Variants in RBFOX1 observed in about 807,000 individuals in gnomAD.
RBFOX1 encodes RNA binding protein fox-1 homolog 1.
RBFOX1 carries 8 observed loss-of-function variants against 57.7 expected under a neutral mutation model. The observed-to-expected ratio is 0.14, with a 90% CI of 0.08 to 0.25. The LOEUF is 0.25. RBFOX1 is among the 10% of genes least tolerant of loss of function. RBFOX1 has a pLI of 1.00. For missense variants in RBFOX1, 611 were observed against 548.5 expected, an observed-to-expected ratio of 1.11 and a Z score of -1.14; for synonymous variants, 326 against 222.4, an observed-to-expected ratio of 1.47 and a Z score of -4.15.
intron 4 of RBFOX1, among the ~76,000 whole-genome samples, chr16:6,007,280 G>A (rs1438054893): frequency 6.6e-6 from 1 of 152,208 alleles, no homozygotes; most frequent in Admixed American, 6.5e-5. Flanking sequence ...TTTCCCGCTT[G>A]GATGCTTGCT....
intron 4 of RBFOX1, among the ~76,000 whole-genome samples, chr16:7,294,937 T>G (rs1028453063): frequency 7.2e-5 from 11 of 152,218 alleles, no homozygotes; most frequent in Non-Finnish European, 1.5e-4. Context: ...TAGATACTTC[T>G]TGTGCCCTCA....
intron 1 of RBFOX1, among the ~76,000 whole-genome samples, chr16:6,156,043 G>A (rs923487576): frequency 1.3e-5 from 2 of 152,174 alleles, no homozygotes; most frequent in African/African-American, 2.4e-5. Flanking sequence ...AGAGAAAAAT[G>A]AGGAGATCTG....
intron 2 of RBFOX1, among the ~76,000 whole-genome samples, chr16:5,565,624 T>TTACA (rs201425341): frequency 0.057 from 6,328 of 111,554 alleles, 196 homozygotes; most frequent in East Asian, 0.12. Context: ...AAACTCTGCC[T>TTACA]TACATAAATA....
In RBFOX1 at chr16:6,097,234, C is replaced by T. The variant is rs2096256132; in HGVS notation, c.-127+77242C>T. Reference sequence around the variant, plus strand: ...CCGTAGCCATGTGGAACTGTGAGTCCATTAAACTTCTTTTTGTTTATAAAT... The same window carrying T: ...CCGTAGCCATGTGGAACTGTGAGTCTATTAAACTTCTTTTTGTTTATAAAT... On this transcript the variant is annotated intron_variant, in intron 1 of 15. Transcript: ENST00000550418. This position sits in a 1 kb window ranked among gnomAD's most constrained non-coding sequence, Gnocchi z 5.0. Among the ~76,000 whole-genome samples the T allele has an allele frequency of 6.6e-6, 1 of 152,162 alleles. No homozygotes were observed. The highest frequency in any genetic ancestry group is 1.5e-5 in the Non-Finnish European group (1 of 68,034).
intron 1 of RBFOX1, chr16:6,037,365 A>G (rs1305256763): frequency 1.3e-5 from 2 of 152,164 alleles, no homozygotes; most frequent in East Asian, 1.9e-4. Context: ...TATTTGCAAC[A>G]TTTCTGTGAA....
At chr16:5,662,995 G>A (rs1454838942) in intron 3 of RBFOX1, among the ~76,000 whole-genome samples, 1 of 152,156 alleles carries the variant, frequency 6.6e-6, no homozygotes, top group Admixed American at 6.5e-5. Context: ...CAGTGGGCAG[G>A]AGAGCAATTT....
At chr16:7,551,365 T>C (rs896341005) in intron 5 of RBFOX1, among the ~76,000 whole-genome samples, 1 of 151,990 alleles carries the variant, frequency 6.6e-6, no homozygotes, top group African/African-American at 2.4e-5. Flanking sequence ...AGATGTACCC[T>C]CCAGGGGCCC....
intron 2 of RBFOX1, among the ~76,000 whole-genome samples, chr16:6,637,564 T>TTCTATATAGAATAG (rs1555636881): frequency 1.6e-5 from 2 of 128,474 alleles, no homozygotes; most frequent in African/African-American, 6.0e-5. Flanking sequence ...ATATATAATA[T>TTCTATATAGAATAG]TCTATATAGT....
intron 3 of RBFOX1, among the ~76,000 whole-genome samples, chr16:6,777,907 C>G (rs2079652335): frequency 6.6e-6 from 1 of 152,112 alleles, no homozygotes; most frequent in South Asian, 2.1e-4. Flanking sequence ...ATTGAAATGA[C>G]TTTTTCTGAG....
chr16:6,920,426 A>G (rs2074215040), intron 3 of RBFOX1, among the ~76,000 whole-genome samples: 1 of 152,136 alleles, frequency 6.6e-6, no homozygotes, highest in Non-Finnish European at 1.5e-5. Flanking sequence ...TCAGCTTATA[A>G]ATGGCTTGTT....
At chr16:6,829,621 A>C (rs1047362978) in intron 3 of RBFOX1, among the ~76,000 whole-genome samples, 3 of 152,090 alleles carry the variant, frequency 2.0e-5, no homozygotes, top group African/African-American at 7.2e-5. Flanking sequence ...TGTTTTTTTA[A>C]GACGGAGTCT....
intron 4 of RBFOX1, among the ~76,000 whole-genome samples, chr16:7,497,355 C>T (rs1230403505): frequency 1.3e-5 from 2 of 152,154 alleles, no homozygotes; most frequent in South Asian, 4.1e-4. Flanking sequence ...CTAACTCACT[C>T]CATCATCTCC....
At chr16:5,478,845 C>T (rs1205593083) in intron 2 of RBFOX1, among the ~76,000 whole-genome samples, 3 of 152,118 alleles carry the variant, frequency 2.0e-5, no homozygotes, top group African/African-American at 7.2e-5. Flanking sequence ...CCATGGGCTG[C>T]TATATTCCTA....
At position 7,052,077 on chromosome 16, in the gene RBFOX1, T is replaced by C. The variant is rs1480856552; in HGVS notation, c.6T>C (p.Asn2=). M[N]CEREQLRGNQ... ...TCTAGGTTTCAAGACAACAGATGAATTGTGAAAGAGAGCAGCTAAGGGTAG... is the reference window on the plus strand; with the variant it reads ...TCTAGGTTTCAAGACAACAGATGAACTGTGAAAGAGAGCAGCTAAGGGTAG... Residue 2 remains asparagine, a synonymous_variant, in exon 4 of 16, where the codon AAT becomes AAC. Coordinates refer to ENST00000550418, the MANE Select transcript of RBFOX1 (RefSeq NM_018723.4). 6.2e-7 allele frequency: 1 copy of C among 1,612,226 alleles called. No homozygotes were observed.
At chr16:6,987,334 G>T (rs1226460292) in intron 3 of RBFOX1, among the ~76,000 whole-genome samples, 1 of 152,038 alleles carries the variant, frequency 6.6e-6, no homozygotes, top group African/African-American at 2.4e-5. Context: ...GAAGTGAGTG[G>T]AGAACAAGAG....
At chr16:6,832,834 G>A (rs1300688194) in intron 3 of RBFOX1, among the ~76,000 whole-genome samples, 2 of 152,216 alleles carry the variant, frequency 1.3e-5, no homozygotes, top group African/African-American at 4.8e-5. Context: ...TGATTAAATA[G>A]TTAAGAATCC....
At chr16:5,986,386 A>C (rs1204685995) in intron 4 of RBFOX1, among the ~76,000 whole-genome samples, 1 of 152,174 alleles carries the variant, frequency 6.6e-6, no homozygotes, top group Admixed American at 6.5e-5. Flanking sequence ...TATTGAGTCA[A>C]TTGTACATTC....
At chr16:7,023,108 G>T (rs929773725) in intron 3 of RBFOX1, among the ~76,000 whole-genome samples, 4 of 152,180 alleles carry the variant, frequency 2.6e-5, no homozygotes, top group African/African-American at 9.7e-5. Flanking sequence ...CACTGAGGTA[G>T]GAGAGAGCTG....
intron 3 of RBFOX1, among the ~76,000 whole-genome samples, chr16:6,992,647 A>C (rs2091676976): frequency 1.3e-5 from 2 of 152,116 alleles, no homozygotes; most frequent in African/African-American, 4.8e-5. Context: ...TAAGGATAAA[A>C]GTTACACAAC....
Sources: gnomAD v4.1 joint callset for allele counts (sites outside exome capture counted in the v4.1 genomes callset) on GRCh38, gnomAD v4.1.1 for gene constraint, Gnocchi (gnomAD v3.1) non-coding constraint, MANE v1.5 for transcripts, NCBI Gene and HGNC (gene_info 2026-07-23, HGNC 2026-07-21) for gene names.